COL6A6: variants seen among roughly 807,000 people sequenced by gnomAD.
COL6A6 encodes collagen type VI alpha 6 chain.
COL6A6 carries 183 observed loss-of-function variants against 208.6 expected under a neutral mutation model. That is an observed-to-expected ratio of 0.88 (90% CI 0.78 to 0.99). The LOEUF (loss-of-function observed/expected upper bound fraction) is 0.99, where lower values mean the gene tolerates loss of function less well. Among genes scored for constraint, COL6A6 ranks in the 50% least tolerant of loss-of-function variants. The pLI, the probability that COL6A6 is intolerant of heterozygous loss-of-function variation, is 0.00. For synonymous variants in COL6A6, 973 were observed against 1,011.8 expected, an observed-to-expected ratio of 0.96 and a Z score of 0.73; for missense variants, 2,816 against 2,815.2, an observed-to-expected ratio of 1.00 and a Z score of -0.01.
At chr3:130,672,733 G>A (rs187319856) in intron 36 of COL6A6, among the ~76,000 whole-genome samples, 25 of 151,468 alleles carry the variant, frequency 1.7e-4, no homozygotes, top group Admixed American at 1.2e-3. Context: ...GATTATTGCC[G>A]GGTGTGGCGG....
At chr3:130,627,009 T>C (rs2064909419) in intron 25 of COL6A6, among the ~76,000 whole-genome samples, 1 of 152,164 alleles carries the variant, frequency 6.6e-6, no homozygotes, top group Admixed American at 6.5e-5. Flanking sequence ...TATTATCTCC[T>C]CTTATTGAAA....
chr3:130,665,055 T>C lies in COL6A6; in HGVS notation c.6555T>C (p.Leu2185=), dbSNP rs747126891. Residue 2185 remains leucine (L), a synonymous_variant, in exon 36 of 37, where the codon CTT becomes CTC. Coordinates refer to ENST00000358511, the MANE Select transcript of COL6A6 (RefSeq NM_001102608.3). ...ACTTAAAAATAAAGTGCAACAGACT[T>C]AACTCTATAGATCCAAAGCAGCCCC... The part of the protein sequence containing the change: ...PINLKIKCNR[L]NSIDPKQPPR... The C allele has an allele frequency of 1.9e-6, 3 of 1,610,746 alleles. No individual in the cohort carries two copies. Among genetic ancestry groups the C allele is most frequent in the Non-Finnish European group, 2.5e-6 (3 of 1,178,480 alleles).
intron 22 of COL6A6, 89 bp downstream of exon 22, chr3:130,609,053 T>G: frequency 1.1e-6 from 1 of 927,094 alleles, no homozygotes; most frequent in Non-Finnish European, 1.7e-6. Context: ...CCTTCAAATC[T>G]CCCTTGCAGA....
intron 32 of COL6A6, among the ~76,000 whole-genome samples, chr3:130,647,774 TATCTCTGA>T (rs1436307589): frequency 6.6e-6 from 1 of 152,236 alleles, no homozygotes; most frequent in Non-Finnish European, 1.5e-5. Flanking sequence ...CTGTGTTTAT[TATCTCTGA>T]ATCTGACTTG....
intron 1 of COL6A6, among the ~76,000 whole-genome samples, chr3:130,541,486 C>T (rs1225300617): frequency 6.6e-6 from 1 of 152,160 alleles, no homozygotes; most frequent in Non-Finnish European, 1.5e-5. Flanking sequence ...AAGTTTTCAA[C>T]TCATTTGGAT....
intron 13 of COL6A6, 47 bp downstream of exon 13, chr3:130,591,141 A>G (rs2063704474): frequency 7.4e-7 from 1 of 1,347,520 alleles, no homozygotes; most frequent in South Asian, 1.3e-5. Flanking sequence ...AAAAACATCT[A>G]CAATATGAAT....
intron 22 of COL6A6, 32 bp from the exon 23 acceptor site, chr3:130,610,617 C>A: frequency 1.3e-6 from 2 of 1,496,260 alleles, no homozygotes; most frequent in African/African-American, 1.4e-5. Context: ...CTCTTTTAGG[C>A]AAAAAATAAT....
intron 13 of COL6A6, among the ~76,000 whole-genome samples, chr3:130,591,947 G>A (rs2063726933): frequency 6.6e-6 from 1 of 152,188 alleles, no homozygotes; most frequent in African/African-American, 2.4e-5. Flanking sequence ...GCATGTATCT[G>A]AGTCAGAGAA....
At chr3:130,658,559 C>T (rs748854996) in intron 33 of COL6A6, 117 bp from the exon 34 acceptor site, 13 of 683,630 alleles carry the variant, frequency 1.9e-5, no homozygotes, top group East Asian at 2.7e-5. Flanking sequence ...GTGCCTCCCC[C>T]GTACCTTCTT....
intron 10 of COL6A6, among the ~76,000 whole-genome samples, chr3:130,582,843 G>T (rs935646018): frequency 2.0e-5 from 3 of 152,126 alleles, no homozygotes; most frequent in African/African-American, 7.2e-5. Flanking sequence ...CTGGAAGGTT[G>T]CTGTCCACCC....
intron 21 of COL6A6, among the ~76,000 whole-genome samples, chr3:130,608,103 C>T (rs55922459): frequency 6.6e-6 from 1 of 152,136 alleles, no homozygotes; most frequent in Non-Finnish European, 1.5e-5. Context: ...GACCTAATCA[C>T]CTCCTAAAGG....
chr3:130,531,033 CACACAG>C (rs1225392880), intron 1 of COL6A6, among the ~76,000 whole-genome samples: 8 of 19,560 alleles, frequency 4.1e-4, no homozygotes, highest in South Asian at 1.3e-3. Flanking sequence ...CACACACACA[CACACAG>C]ACACACACAC....
At chr3:130,664,728 T>TG (rs2066029336) in intron 35 of COL6A6, among the ~76,000 whole-genome samples, 1 of 152,204 alleles carries the variant, frequency 6.6e-6, no homozygotes, top group East Asian at 1.9e-4. Context: ...ACTGGCTCAT[T>TG]GTTATCTCCT....
intron 8 of COL6A6, among the ~76,000 whole-genome samples, chr3:130,580,834 C>A (rs2063400601): frequency 6.6e-6 from 1 of 152,110 alleles, no homozygotes; most frequent in South Asian, 2.1e-4. Flanking sequence ...TGCAACATGC[C>A]TCTAAGTATT....
At chr3:130,594,244 C>T in intron 17 of COL6A6, 37 bp from the exon 18 acceptor site, 3 of 1,453,280 alleles carry the variant, frequency 2.1e-6, no homozygotes, top group South Asian at 1.1e-5. Context: ...ATTAAAACTT[C>T]TTGTCTTGTT....
intron 1 of COL6A6, among the ~76,000 whole-genome samples, chr3:130,533,178 T>C (rs953031484): frequency 6.6e-6 from 1 of 151,858 alleles, no homozygotes; most frequent in Non-Finnish European, 1.5e-5. Context: ...AGCGGCCATA[T>C]TTTACCGTAT....
In COL6A6 at chr3:130,586,673, GA is replaced by G; in HGVS notation, c.4125+17del. The G allele has an allele frequency of 6.2e-7, 1 of 1,607,984 alleles. No individual in the cohort carries two copies. Among genetic ancestry groups the G allele is most frequent in the Non-Finnish European group, 8.5e-7 (1 of 1,177,744 alleles). On this transcript the variant is annotated intron_variant, in intron 11 of 36. Transcript: ENST00000358511. ...GTCAAAGCAGCTGGTAAGTTATTCT[GA>G]AAAGGCTGGTGAGCTTAAATTTTCA...
chr3:130,597,872 G>A (rs1439551845), intron 18 of COL6A6, among the ~76,000 whole-genome samples: 2 of 152,128 alleles, frequency 1.3e-5, no homozygotes, highest in Non-Finnish European at 2.9e-5. Context: ...GCTGGTGGCA[G>A]GTAGAATCTT....
chr3:130,521,944 T>C (rs1711096855), intron 1 of COL6A6, among the ~76,000 whole-genome samples: 1 of 152,194 alleles, frequency 6.6e-6, no homozygotes. Context: ...TTCCCTTCTC[T>C]GTCTCACTTC....
Sources: allele counts gnomAD v4.1 joint callset (sites outside exome capture counted in the v4.1 genomes callset), GRCh38; gene constraint gnomAD v4.1.1; transcripts MANE v1.5; gene names NCBI Gene and HGNC (gene_info 2026-07-23, HGNC 2026-07-21).